Variants in ORC1 observed in about 807,000 individuals in gnomAD.
ORC1 encodes origin recognition complex subunit 1.
ORC1 carries 61 observed loss-of-function variants against 98.9 expected under a neutral mutation model. That is an observed-to-expected ratio of 0.62 (90% CI 0.50 to 0.76). ORC1 has a LOEUF of 0.76. Among genes scored for constraint, ORC1 ranks in the 30% least tolerant of loss-of-function variants. The pLI, the probability that ORC1 is intolerant of heterozygous loss-of-function variation, is 0.00. For synonymous variants in ORC1, 385 were observed against 406.9 expected, an observed-to-expected ratio of 0.95 and a Z score of 0.65; for missense variants, 979 against 1,072.2, an observed-to-expected ratio of 0.91 and a Z score of 1.21.
chr1:52,397,886 G>C, intron 3 of ORC1, 23 bp from the exon 4 acceptor site: 1 of 1,611,702 alleles, frequency 6.2e-7, no homozygotes, highest in Non-Finnish European at 8.5e-7. Context: ...TGGTGGAAAG[G>C]GAAAGGTTAA....
chr1:52,388,979 C>T (rs546324962), intron 7 of ORC1, among the ~76,000 whole-genome samples: 1 of 152,276 alleles, frequency 6.6e-6, no homozygotes, highest in East Asian at 1.9e-4. Flanking sequence ...CACCCCATCC[C>T]ACCAACAGTC....
intron 3 of ORC1, among the ~76,000 whole-genome samples, chr1:52,398,751 A>AT (rs1015628141): frequency 6.0e-5 from 9 of 150,938 alleles, no homozygotes; most frequent in Non-Finnish European, 7.4e-5. Context: ...CCAGCTAATT[A>AT]TTTTTTTGTA....
chr1:52,373,276 G>A lies in ORC1; in HGVS notation c.2491C>T (p.Leu831Phe). The change falls in exon 17 of 17, where the codon CTC becomes TTC. Residue 831 changes from leucine to phenylalanine, a missense_variant. Leu to Phe is a conservative substitution (Grantham distance 22). Coordinates refer to ENST00000371568, the MANE Select transcript of ORC1 (RefSeq NM_004153.4). ...TTCCTGCTGGGCTCCACAAGCAGGA[G>A]GCGACAGGAGCCCAGGTGAGAACAC... ...AVCSHLGSCRLLLVEPSRNDL... is the reference protein window; with the variant it reads ...AVCSHLGSCRFLLVEPSRNDL... The A allele has an allele frequency of 1.2e-6, 2 of 1,614,186 alleles. No homozygotes were observed. Among genetic ancestry groups the A allele is most frequent in the Non-Finnish European group, 1.7e-6 (2 of 1,180,004 alleles).
chr1:52,386,547 G>A (rs576166722), intron 8 of ORC1, among the ~76,000 whole-genome samples: 3 of 152,216 alleles, frequency 2.0e-5, no homozygotes, highest in East Asian at 1.9e-4. Flanking sequence ...TCTTCATGGC[G>A]TTTCTACAAA....
chr1:52,375,364 A>G, intron 15 of ORC1, 66 bp downstream of exon 15: 1 of 1,465,822 alleles, frequency 6.8e-7, no homozygotes. Context: ...TGAATGAGTA[A>G]AAGCTTAGAA....
Position 52,396,113 on chromosome 1 carries a change from G to A in ORC1, c.654C>T (p.Ala218=), listed in dbSNP as rs761859004. 7 of 1,614,088 alleles carry A rather than the reference G, an allele frequency of 4.3e-6. No homozygotes were observed. The Admixed American group carries it at 6.7e-5, about 15-fold the overall frequency. ...GGGTAGGAGTTTGGCGAGATTTGGA[G>A]GCGGAGTGCCTTGATTCAATCCTTT... The part of the protein sequence containing the change: ...VAKRIESRHS[A]SKSRQTPTHP... Residue 218 remains alanine (A), a synonymous_variant, in exon 5 of 17, where the codon GCC becomes GCT. Transcript: ENST00000371568.
intron 8 of ORC1, among the ~76,000 whole-genome samples, chr1:52,386,592 C>T (rs142740480): frequency 5.3e-5 from 8 of 152,328 alleles, no homozygotes; most frequent in African/African-American, 1.9e-4. Context: ...ACTCCACCCA[C>T]CCTCTGTTTT....
upstream of ORC1, chr1:52,408,932 C>A: frequency 2.6e-6 from 1 of 383,926 alleles, no homozygotes; most frequent in Admixed American, 4.1e-5. Flanking sequence ...ATGTTAATCC[C>A]TGCCTTGCAT....
In ORC1 at chr1:52,385,872, C is replaced by A. The variant is rs751425371; in HGVS notation, c.1461G>T (p.Val487=). The A allele has an allele frequency of 1.9e-6, 3 of 1,613,744 alleles. No individual in the cohort carries two copies. In the South Asian group the frequency reaches 3.3e-5, roughly 18 times the overall value. Residue 487 remains valine (V), a synonymous_variant, in exon 9 of 17, where the codon GTG becomes GTT. Coordinates refer to ENST00000371568, the MANE Select transcript of ORC1 (RefSeq NM_004153.4). The stretch of plus-strand genomic sequence containing the variant: ...AGTACCTCAGTCGGGCTTCCTCCAG[C>A]ACACTGGCTGGCTCCTGGGCAGCCA... ...RSLAAQEPAS[V]LEEARLRLHV...
At chr1:52,406,234 TC>T (rs879452995), upstream of ORC1, among the ~76,000 whole-genome samples, 1,415 of 150,294 alleles carry the variant, frequency 9.4e-3, 15 homozygotes, top group Admixed American at 0.015. Flanking sequence ...GGTAATCCCC[TC>T]CCCCCCCGGG....
chr1:52,393,294 G>C, intron 6 of ORC1, 149 bp downstream of exon 6: 1 of 986,312 alleles, frequency 1.0e-6, no homozygotes, highest in Non-Finnish European at 1.6e-6. Context: ...TGTGGGAAGA[G>C]GCCTAGAAAT....
At chr1:52,406,683 C>A (rs1009734731), upstream of ORC1, among the ~76,000 whole-genome samples, 1 of 152,170 alleles carries the variant, frequency 6.6e-6, no homozygotes, top group African/African-American at 2.4e-5. Context: ...ACCGTATTAC[C>A]GATTCTCGAG....
chr1:52,385,984 A>G, intron 8 of ORC1, 35 bp from the exon 9 acceptor site: 1 of 1,517,090 alleles, frequency 6.6e-7, no homozygotes, highest in Non-Finnish European at 9.1e-7. Context: ...TTCACAAGGA[A>G]AAAGCAAAAC....
At chr1:52,404,860 G>A (rs146021095), upstream of ORC1, 20 of 1,614,192 alleles carry the variant, frequency 1.2e-5, no homozygotes, top group Non-Finnish European at 1.5e-5. Context: ...ACTGGAAAGA[G>A]GAGTGCTTTG....
At chr1:52,390,572 G>A (rs950324000) in intron 6 of ORC1, among the ~76,000 whole-genome samples, 3 of 152,136 alleles carry the variant, frequency 2.0e-5, no homozygotes, top group Non-Finnish European at 2.9e-5. Context: ...CGACGTGGGT[G>A]GACCACCTAA....
intron 14 of ORC1, among the ~76,000 whole-genome samples, chr1:52,381,165 T>C (rs1467221976): frequency 6.6e-6 from 1 of 152,150 alleles, no homozygotes; most frequent in Non-Finnish European, 1.5e-5. Flanking sequence ...GAGGGGCATC[T>C]AATACCTCAT....
intron 8 of ORC1, among the ~76,000 whole-genome samples, chr1:52,387,830 GTCT>G (rs1238682764): frequency 7.2e-5 from 11 of 152,322 alleles, no homozygotes; most frequent in Admixed American, 2.0e-4. Flanking sequence ...GCTTTAGAAA[GTCT>G]TCTAATTAAG....
At chr1:52,379,792 G>T (rs573643199) in intron 14 of ORC1, among the ~76,000 whole-genome samples, 1 of 151,936 alleles carries the variant, frequency 6.6e-6, no homozygotes, top group African/African-American at 2.4e-5. Flanking sequence ...AATTAGCTGG[G>T]TGTGGTGGTG....
In ORC1 at chr1:52,396,252, A is replaced by C; in HGVS notation, c.515T>G (p.Leu172Arg). 1 of 1,614,196 alleles carries C rather than the reference A, an allele frequency of 6.2e-7. No homozygotes were observed. The highest frequency in any genetic ancestry group is 8.5e-7 in the Non-Finnish European group (1 of 1,180,040). Residue 172 changes from leucine (L) to arginine (R), a missense_variant, in exon 5 of 17, where the codon CTA (leucine) becomes CGA (arginine). Leu to Arg is a moderately radical substitution (Grantham distance 102, BLOSUM62 -2). Coordinates refer to ENST00000371568, the MANE Select transcript of ORC1 (RefSeq NM_004153.4). ...TTGTGGTTTATTCAACTCCGCAAAT[A>C]GTTCTGAGGAAAGTGGCCTGAATTT... ...EKKFRPLSSE[L>R]FAELNKPQES...
Sources: gnomAD v4.1 joint callset for allele counts (sites outside exome capture counted in the v4.1 genomes callset) on GRCh38, gnomAD v4.1.1 for gene constraint, MANE v1.5 for transcripts, NCBI Gene and HGNC (gene_info 2026-07-23, HGNC 2026-07-21) for gene names.